MCPH1: variants seen among roughly 807,000 people sequenced by gnomAD.
MCPH1 encodes microcephalin 1.
MCPH1 carries 104 observed loss-of-function variants against 84.5 expected under a neutral mutation model. That is an observed-to-expected ratio of 1.23 (90% CI 1.05 to 1.45). The LOEUF is 1.45. MCPH1 is among the 40% of genes most tolerant of loss of function. The pLI is 0.00. For synonymous variants in MCPH1, 514 were observed against 366.8 expected (o/e 1.40, Z -4.58); for missense variants, 1,498 against 1,005.7 (o/e 1.49, Z -6.62).
At chr8:6,550,450 C>A (rs573492203) in intron 12 of MCPH1, among the ~76,000 whole-genome samples, 1 of 152,232 alleles carries the variant, frequency 6.6e-6, no homozygotes, top group Non-Finnish European at 1.5e-5. Flanking sequence ...AACCACTCAG[C>A]ATCCAGCGCG....
rs1288748526 is a variant in MCPH1, at chr8:6,480,810, G to T, written c.2070G>T (p.Lys690Asn). 1 of 1,614,208 alleles carries T rather than the reference G, an allele frequency of 6.2e-7. No individual in the cohort carries two copies. The highest frequency in any genetic ancestry group is 8.5e-7 in the Non-Finnish European group (1 of 1,180,048). ...CCACGACTCACGTGCTTTCCGGGAA[G>T]CCACTTCGCACCCTGAATGTGCTGC... ...CETTTHVLSG[K>N]PLRTLNVLLG... is the part of the protein sequence containing the mutation. The change falls in exon 11 of 14, where the codon AAG becomes AAT. Residue 690 changes from lysine to asparagine, a missense_variant. Lys to Asn is a moderately conservative substitution (Grantham distance 94). Coordinates refer to ENST00000344683, the MANE Select transcript of MCPH1 (RefSeq NM_024596.5).
chr8:6,523,599 T>C (rs1817763588), intron 12 of MCPH1, among the ~76,000 whole-genome samples: 1 of 152,156 alleles, frequency 6.6e-6, no homozygotes, highest in Admixed American at 6.5e-5. Context: ...TTTTTTGTTT[T>C]GAGATGGAGT....
intron 12 of MCPH1, among the ~76,000 whole-genome samples, chr8:6,588,701 T>A (rs1052862358): frequency 6.6e-6 from 1 of 152,246 alleles, no homozygotes; most frequent in Non-Finnish European, 1.5e-5. Context: ...ATAGTCAACC[T>A]CAGTTTTGAA....
In MCPH1 at chr8:6,436,033, G is replaced by A. The variant is rs749488341; in HGVS notation, c.322-15G>A. Reference sequence around the variant, plus strand: ...GTTGCAGTACAGCATTAATTTTTGTGTTCTTTTTGCACAGCGTAAATGTAT... The same window carrying A: ...GTTGCAGTACAGCATTAATTTTTGTATTCTTTTTGCACAGCGTAAATGTAT... On this transcript the variant is annotated splice_polypyrimidine_tract_variant and intron_variant, in intron 4 of 13. Coordinates refer to ENST00000344683, the MANE Select transcript of MCPH1 (RefSeq NM_024596.5). 3 of 1,612,388 alleles carry A rather than the reference G, an allele frequency of 1.9e-6. No homozygotes were observed. Among genetic ancestry groups the A allele is most frequent in the Admixed American group, 1.7e-5 (1 of 59,910 alleles).
intron 3 of MCPH1, among the ~76,000 whole-genome samples, chr8:6,416,889 G>C (rs1427504921): frequency 1.3e-5 from 2 of 151,990 alleles, no homozygotes; most frequent in African/African-American, 4.8e-5. Context: ...AGCTACTCGG[G>C]AGATTGAGAC....
intron 12 of MCPH1, among the ~76,000 whole-genome samples, chr8:6,617,696 A>G (rs993709282): frequency 6.6e-6 from 1 of 152,050 alleles, no homozygotes; most frequent in African/African-American, 2.4e-5. Context: ...TATTGTTTTG[A>G]GACAGGGTCT....
At chr8:6,501,031 T>G (rs1341573104) in intron 12 of MCPH1, 1 of 152,258 alleles carries the variant, frequency 6.6e-6, no homozygotes, top group East Asian at 1.9e-4. Context: ...TTCAGTTGTT[T>G]TTCAACTTGA....
chr8:6,419,190 C>T (rs867964663), intron 3 of MCPH1, among the ~76,000 whole-genome samples: 2 of 7,718 alleles, frequency 2.6e-4, no homozygotes, highest in Non-Finnish European at 9.9e-4. Flanking sequence ...CACACACACG[C>T]ATTTTTACCC....
intron 11 of MCPH1, among the ~76,000 whole-genome samples, chr8:6,495,233 A>G (rs1811102107): frequency 6.6e-6 from 1 of 152,202 alleles, no homozygotes; most frequent in Non-Finnish European, 1.5e-5. Context: ...AGTATAACCT[A>G]GAAATAACTT....
chr8:6,604,831 ACTT>A (rs1254930862), intron 12 of MCPH1, among the ~76,000 whole-genome samples: 1 of 152,226 alleles, frequency 6.6e-6, no homozygotes, highest in Non-Finnish European at 1.5e-5. Context: ...TATGAACAAA[ACTT>A]CTTAGAATTA....
intron 12 of MCPH1, among the ~76,000 whole-genome samples, chr8:6,563,791 A>G (rs1825888517): frequency 6.6e-6 from 1 of 152,140 alleles, no homozygotes; most frequent in African/African-American, 2.4e-5. Context: ...TCATTTCCGA[A>G]CAGTTGGATA....
intron 6 of MCPH1, among the ~76,000 whole-genome samples, chr8:6,440,167 G>T (rs1212678169): frequency 6.6e-6 from 1 of 152,068 alleles, no homozygotes; most frequent in East Asian, 1.9e-4. Context: ...CTATTGGTGG[G>T]TATTTTTTTC....
chr8:6,555,106 A>G (rs575042335), intron 12 of MCPH1, among the ~76,000 whole-genome samples: 9 of 152,240 alleles, frequency 5.9e-5, no homozygotes, highest in Admixed American at 5.9e-4. Flanking sequence ...ACCACTACCC[A>G]TGATTTTTTT....
chr8:6,550,506 A>C (rs1461388703), intron 12 of MCPH1, among the ~76,000 whole-genome samples: 3 of 152,170 alleles, frequency 2.0e-5, no homozygotes, highest in Admixed American at 6.5e-5. Context: ...GGTATGTGCC[A>C]AAACTGGCCT....
chr8:6,504,225 G>A (rs1252613649), intron 12 of MCPH1, among the ~76,000 whole-genome samples: 5 of 150,358 alleles, frequency 3.3e-5, no homozygotes, highest in African/African-American at 4.9e-5. Flanking sequence ...GGCTGAGGCA[G>A]GAGAATGGCG....
intron 9 of MCPH1, among the ~76,000 whole-genome samples, chr8:6,474,751 A>C (rs73661771): frequency 6.6e-6 from 1 of 152,180 alleles, no homozygotes; most frequent in East Asian, 1.9e-4. Context: ...ATAATCCTAG[A>C]AATTTTTGGA....
intron 9 of MCPH1, 31 bp from the exon 10 acceptor site, chr8:6,477,562 GT>G: frequency 1.9e-6 from 3 of 1,604,110 alleles, no homozygotes; most frequent in Non-Finnish European, 2.6e-6. Flanking sequence ...GTTTTTGACT[GT>G]TTTTTGTTCC....
At chr8:6,495,871 G>T (rs959595285) in intron 11 of MCPH1, among the ~76,000 whole-genome samples, 1 of 152,106 alleles carries the variant, frequency 6.6e-6, no homozygotes, top group Non-Finnish European at 1.5e-5. Context: ...TATGGCTTAC[G>T]ACTGTGGGAC....
intron 12 of MCPH1, among the ~76,000 whole-genome samples, chr8:6,526,122 T>C (rs1307047829): frequency 6.6e-6 from 1 of 152,014 alleles, no homozygotes; most frequent in Non-Finnish European, 1.5e-5. Context: ...TAAGTAAGAC[T>C]ATTTTAAGAA....
Sources: allele counts gnomAD v4.1 joint callset (sites outside exome capture counted in the v4.1 genomes callset), GRCh38; gene constraint gnomAD v4.1.1; transcripts MANE v1.5; gene names NCBI Gene and HGNC (gene_info 2026-07-23, HGNC 2026-07-21).